Variants in SPATA1 observed in about 807,000 individuals in gnomAD.
SPATA1 encodes spermatogenesis-associated protein 1.
A neutral mutation model predicts 59.6 loss-of-function variants in SPATA1; 57 were observed. The observed-to-expected ratio is 0.96, with a 90% confidence interval of 0.77 to 1.19. The LOEUF (loss-of-function observed/expected upper bound fraction) is 1.19, where lower values mean the gene tolerates loss of function less well. Ranked by LOEUF, SPATA1 falls within the 50% of genes most tolerant of loss-of-function variation. The probability of loss-of-function intolerance (pLI) is 0.00; values close to 1 mark genes in which losing one functional copy is unlikely to be tolerated. For missense variants in SPATA1, 448 were observed against 480.7 expected (o/e 0.93, Z 0.64); for synonymous variants, 147 against 163.9 (o/e 0.90, Z 0.79).
chr1:84,555,305 G>A (rs977363058), downstream of SPATA1: 9 of 801,252 alleles, frequency 1.1e-5, no homozygotes, highest in African/African-American at 1.4e-4. Flanking sequence ...AGGGAAAAAA[G>A]TTTCCTAAAT....
At chr1:84,545,389 C>A (rs755459202) in intron 9 of SPATA1, among the ~76,000 whole-genome samples, 3 of 151,888 alleles carry the variant, frequency 2.0e-5, no homozygotes, top group Non-Finnish European at 4.4e-5. Context: ...CTAGTTTCTA[C>A]ACATATATGA....
At chr1:84,566,862 T>C (rs1362151436), downstream of SPATA1, among the ~76,000 whole-genome samples, 1 of 152,208 alleles carries the variant, frequency 6.6e-6, no homozygotes, top group Non-Finnish European at 1.5e-5. Flanking sequence ...CTCAAACTCC[T>C]GACCTCAGCT....
At chr1:84,565,348 G>A (rs983351287) in intron 4 of SPATA1, among the ~76,000 whole-genome samples, 2 of 152,132 alleles carry the variant, frequency 1.3e-5, no homozygotes, top group African/African-American at 4.8e-5. Flanking sequence ...ATTCTAATAG[G>A]AATATAATTT....
rs534534226 is a variant in SPATA1, at chr1:84,536,001, T to C, written c.717+2235T>C. Among the ~76,000 whole-genome samples the C allele has an allele frequency of 3.9e-5, 6 of 152,358 alleles. No individual in the cohort carries two copies. In the East Asian group the frequency reaches 1.2e-3, roughly 29 times the overall value. On this transcript the variant is annotated intron_variant, in intron 8 of 12. Coordinates refer to ENST00000490879, the Ensembl canonical transcript of SPATA1. ...TTTCTGATACACTTAATTTCCTTTATTACATTTCTTCCTGCTTAAACCTGC... is the reference window on the plus strand; with the variant it reads ...TTTCTGATACACTTAATTTCCTTTACTACATTTCTTCCTGCTTAAACCTGC...
chr1:84,553,068 T>C (rs754614249), exon 13 of SPATA1: 89 of 1,532,000 alleles, frequency 5.8e-5, no homozygotes, highest in Admixed American at 1.7e-4. Flanking sequence ...TTTACGAACA[T>C]TGAAAACTGA....
downstream of SPATA1, among the ~76,000 whole-genome samples, chr1:84,557,841 TAGTG>T (rs1485826283): frequency 7.0e-6 from 1 of 142,788 alleles, no homozygotes; most frequent in Non-Finnish European, 1.5e-5. Flanking sequence ...GTGGGCGACA[TAGTG>T]AGACTCCATC....
chr1:84,531,823 G>A (rs962254370), intron 6 of SPATA1, among the ~76,000 whole-genome samples: 2 of 152,084 alleles, frequency 1.3e-5, no homozygotes, highest in African/African-American at 4.8e-5. Context: ...GCCTCCCACA[G>A]TGCTGGGTTT....
chr1:84,558,341 G>T (rs554465525), downstream of SPATA1, among the ~76,000 whole-genome samples: 1 of 150,718 alleles, frequency 6.6e-6, no homozygotes, highest in Non-Finnish European at 1.5e-5. Flanking sequence ...CCAGGCTGGA[G>T]TGCAGTGGCG....
At chr1:84,522,194 TTTTAA>T (rs1292136855) in intron 3 of SPATA1, among the ~76,000 whole-genome samples, 191 bp from the exon 4 acceptor site, 2 of 152,204 alleles carry the variant, frequency 1.3e-5, no homozygotes, top group Non-Finnish European at 2.9e-5. Context: ...AAAGGCAGAC[TTTTAA>T]TTATTTATTT....
exon 11 of SPATA1, chr1:84,548,812 T>G: frequency 6.9e-7 from 1 of 1,442,886 alleles, no homozygotes; most frequent in Non-Finnish European, 9.2e-7. Context: ...GAAAAAATAC[T>G]TGGAAACAAA....
chr1:84,529,030 T>C (rs959960594), intron 6 of SPATA1, among the ~76,000 whole-genome samples: 1 of 152,100 alleles, frequency 6.6e-6, no homozygotes, highest in Admixed American at 6.5e-5. Flanking sequence ...TATATATTCT[T>C]ATACATACAT....
At chr1:84,547,741 C>T (rs186684064) in intron 10 of SPATA1, among the ~76,000 whole-genome samples, 85 of 151,980 alleles carry the variant, frequency 5.6e-4, no homozygotes, top group Non-Finnish European at 9.7e-4. Flanking sequence ...TGAAACACTA[C>T]GTAAGAAGGA....
chr1:84,510,716 AC>A (rs1457504599), intron 1 of SPATA1, among the ~76,000 whole-genome samples: 1 of 152,240 alleles, frequency 6.6e-6, no homozygotes, highest in African/African-American at 2.4e-5. Flanking sequence ...TCCCTTGTTT[AC>A]TGCAGCACTA....
At chr1:84,545,796 AAACTT>A (rs1427441589) in intron 10 of SPATA1, 37 bp downstream of exon 10, 6 of 1,370,644 alleles carry the variant, frequency 4.4e-6, no homozygotes, top group Non-Finnish European at 5.7e-6. Flanking sequence ...ACTATAAAGA[AAACTT>A]AAGTTTTACA....
At chr1:84,511,186 G>C (rs951769020) in intron 1 of SPATA1, among the ~76,000 whole-genome samples, 5 of 152,126 alleles carry the variant, frequency 3.3e-5, no homozygotes, top group Admixed American at 1.3e-4. Flanking sequence ...ATAAATGCTT[G>C]AGGTCATGTA....
At chr1:84,514,659 A>C (rs946651774) in intron 1 of SPATA1, among the ~76,000 whole-genome samples, 1 of 152,068 alleles carries the variant, frequency 6.6e-6, no homozygotes, top group African/African-American at 2.4e-5. Context: ...ATCTATCTTG[A>C]GTTTGTTTAA....
intron 8 of SPATA1, among the ~76,000 whole-genome samples, chr1:84,540,233 T>C (rs867617803): frequency 6.6e-6 from 1 of 152,198 alleles, no homozygotes; most frequent in Non-Finnish European, 1.5e-5. Context: ...ATGACTGATA[T>C]GTTTAGTCTC....
At chr1:84,526,108 C>T (rs1683212327) in intron 6 of SPATA1, 35 bp downstream of exon 6, 2 of 1,536,728 alleles carry the variant, frequency 1.3e-6, no homozygotes, top group Admixed American at 1.9e-5. Flanking sequence ...AAGAAAGAGG[C>T]TATTATAGTA....
chr1:84,534,474 A>G (rs1683593486), intron 8 of SPATA1, among the ~76,000 whole-genome samples: 1 of 152,098 alleles, frequency 6.6e-6, no homozygotes, highest in African/African-American at 2.4e-5. Flanking sequence ...CCTTTTACAG[A>G]TGAGGAAACT....
Sources: gnomAD v4.1 joint callset for allele counts (sites outside exome capture counted in the v4.1 genomes callset) on GRCh38, gnomAD v4.1.1 for gene constraint, MANE v1.5 for transcripts, NCBI Gene and HGNC (gene_info 2026-07-23, HGNC 2026-07-21) for gene names.